KSR2: variants seen among roughly 807,000 people sequenced by gnomAD.
KSR2 encodes kinase suppressor of ras 2.
A neutral mutation model predicts 107.8 loss-of-function variants in KSR2; 25 were observed. The ratio of observed to expected loss-of-function variants is 0.23; its 90% CI spans 0.17 to 0.32. The LOEUF is 0.32. Among genes scored for constraint, KSR2 ranks in the 10% least tolerant of loss-of-function variants. The probability of loss-of-function intolerance (pLI) is 1.00; values close to 1 mark genes in which losing one functional copy is unlikely to be tolerated. For synonymous variants in KSR2, 480 were observed against 507.0 expected (o/e 0.95, Z 0.71); for missense variants, 887 against 1,268.9 (o/e 0.70, Z 4.57).
At chr12:117,755,382 C>T (rs1292124288) in intron 4 of KSR2, among the ~76,000 whole-genome samples, 2 of 152,180 alleles carry the variant, frequency 1.3e-5, no homozygotes, top group African/African-American at 4.8e-5. Context: ...GCCTCTGTGT[C>T]ACATTTTGGT....
In KSR2 at chr12:117,897,522, G is replaced by A. The variant is rs1448988755; in HGVS notation, c.181-37091C>T. ...TGTCTCCTGTGATTCCCAGGAGAGG[G>A]GCCGCACTCTGTCTTCACGCTGTCC... On this transcript the variant is annotated intron_variant, in intron 1 of 19. Transcript: ENST00000339824. This position sits in a 1 kb window ranked among gnomAD's most constrained non-coding sequence, Gnocchi z 4.5. 2.0e-5 allele frequency among the ~76,000 whole-genome samples: 3 copies of A among 152,100 alleles called. No homozygotes were observed. The highest frequency in any genetic ancestry group is 7.2e-5 in the African/African-American group (3 of 41,414).
chr12:117,854,547 A>G (rs578124402), intron 3 of KSR2, among the ~76,000 whole-genome samples: 9 of 152,336 alleles, frequency 5.9e-5, no homozygotes, highest in Non-Finnish European at 1.2e-4. Flanking sequence ...AAGCAAGGGC[A>G]TCTGTGAGCC....
chr12:117,834,527 T>C (rs879417268), intron 3 of KSR2, among the ~76,000 whole-genome samples: 1 of 152,000 alleles, frequency 6.6e-6, no homozygotes, highest in Non-Finnish European at 1.5e-5. Flanking sequence ...TGGCATTTGA[T>C]AGGCAATAAA....
chr12:117,525,354 C>T (rs994558084), intron 13 of KSR2, 135 bp from the exon 14 acceptor site: 12 of 996,202 alleles, frequency 1.2e-5, no homozygotes, highest in Admixed American at 5.9e-5. Flanking sequence ...TGCAGACATA[C>T]GTCCCTCTGT....
chr12:117,533,301 A>G (rs1181109126), intron 10 of KSR2, among the ~76,000 whole-genome samples: 1 of 152,236 alleles, frequency 6.6e-6, no homozygotes, highest in Non-Finnish European at 1.5e-5. Flanking sequence ...TTCTTTCAGG[A>G]CAGGGAGTAA....
chr12:117,892,452 C>A (rs1205405521), intron 1 of KSR2, among the ~76,000 whole-genome samples: 1 of 152,238 alleles, frequency 6.6e-6, no homozygotes, highest in East Asian at 1.9e-4. Flanking sequence ...CTCTTTTTGT[C>A]TCCAGCCTTT....
chr12:117,710,232 A>G (rs1447792173), intron 4 of KSR2, among the ~76,000 whole-genome samples: 1 of 96,968 alleles, frequency 1.0e-5, no homozygotes, highest in East Asian at 4.3e-4. Context: ...TTGTTTAAAG[A>G]AAAAAAAAAT....
chr12:117,799,706 C>T (rs1285669326), intron 3 of KSR2, among the ~76,000 whole-genome samples: 1 of 152,140 alleles, frequency 6.6e-6, no homozygotes. Context: ...CCTTGGGCAA[C>T]TCTCTTAACA....
At chr12:117,714,678 C>T (rs571221143) in intron 4 of KSR2, among the ~76,000 whole-genome samples, 10 of 152,300 alleles carry the variant, frequency 6.6e-5, no homozygotes, top group Admixed American at 4.6e-4. Context: ...ACAGCTGCCT[C>T]ACGACTCACA....
chr12:117,950,624 C>G (rs989211268), intron 1 of KSR2, among the ~76,000 whole-genome samples: 1 of 151,426 alleles, frequency 6.6e-6, no homozygotes, highest in African/African-American at 2.4e-5. Context: ...ACCTGAAGTC[C>G]CAGCTACTTG....
At chr12:117,831,058 A>G (rs1305457176) in intron 3 of KSR2, among the ~76,000 whole-genome samples, 1 of 152,174 alleles carries the variant, frequency 6.6e-6, no homozygotes. Context: ...CCGGCAGAGC[A>G]TGAAAAATCC....
intron 7 of KSR2, among the ~76,000 whole-genome samples, chr12:117,577,290 A>G (rs1037149555): frequency 9.9e-5 from 15 of 152,234 alleles, no homozygotes; most frequent in Non-Finnish European, 8.8e-5. Flanking sequence ...ACTATTACAT[A>G]AAGTTGACTG....
At chr12:117,795,951 G>T (rs1174921947) in intron 3 of KSR2, among the ~76,000 whole-genome samples, 1 of 152,102 alleles carries the variant, frequency 6.6e-6, no homozygotes, top group African/African-American at 2.4e-5. Context: ...TTGAGACAGG[G>T]TCTCTCACTC....
chr12:117,937,035 G>C (rs1307996194), intron 1 of KSR2, among the ~76,000 whole-genome samples: 1 of 152,166 alleles, frequency 6.6e-6, no homozygotes, highest in African/African-American at 2.4e-5. Context: ...CTCCCCTCTT[G>C]GTTCCACCTT....
intron 7 of KSR2, among the ~76,000 whole-genome samples, chr12:117,574,472 T>C (rs539363247): frequency 1.3e-5 from 2 of 152,200 alleles, no homozygotes; most frequent in African/African-American, 4.8e-5. Flanking sequence ...ATAATCATGG[T>C]GGAAACCCAA....
At chr12:117,562,672 G>T (rs1878203627) in intron 7 of KSR2, among the ~76,000 whole-genome samples, 1 of 152,072 alleles carries the variant, frequency 6.6e-6, no homozygotes, top group Non-Finnish European at 1.5e-5. Flanking sequence ...TCATGACCTT[G>T]GCCTGTTTCC....
chr12:117,713,850 G>C (rs1399774086), intron 4 of KSR2, among the ~76,000 whole-genome samples: 1 of 151,972 alleles, frequency 6.6e-6, no homozygotes, highest in Non-Finnish European at 1.5e-5. Flanking sequence ...CTGAGGCTGA[G>C]TCAATTTCAA....
intron 4 of KSR2, among the ~76,000 whole-genome samples, chr12:117,717,628 A>G (rs941480482): frequency 5.3e-5 from 8 of 151,544 alleles, no homozygotes; most frequent in Admixed American, 2.0e-4. Context: ...ACTTTAGTCT[A>G]TCTACCATCC....
intron 5 of KSR2, 54 bp from the exon 6 acceptor site, chr12:117,582,413 C>T (rs1407920814): frequency 6.3e-5 from 89 of 1,403,332 alleles, no homozygotes; most frequent in Non-Finnish European, 8.8e-5. Flanking sequence ...CTGGGGTGGG[C>T]TCTGGCAAGG....
Sources: allele counts gnomAD v4.1 joint callset (sites outside exome capture counted in the v4.1 genomes callset), GRCh38; gene constraint gnomAD v4.1.1; non-coding constraint Gnocchi (gnomAD v3.1); transcripts MANE v1.5; gene names NCBI Gene and HGNC (gene_info 2026-07-23, HGNC 2026-07-21).